The following ADAMTS16 variants were observed in gnomAD, a reference collection of about 807,000 sequenced individuals.
ADAMTS16 encodes the protein A disintegrin and metalloproteinase with thrombospondin motifs 16.
A neutral mutation model predicts 145.8 loss-of-function variants in ADAMTS16; 94 were observed. The ratio of observed to expected loss-of-function variants is 0.64; its 90% CI spans 0.55 to 0.77. The LOEUF (loss-of-function observed/expected upper bound fraction) is 0.77, where lower values mean the gene tolerates loss of function less well. ADAMTS16 is among the 30% of genes least tolerant of loss of function. ADAMTS16 has a pLI of 0.00. For missense variants in ADAMTS16, 1,585 were observed against 1,591.5 expected (o/e 1.00, Z 0.07); for synonymous variants, 659 against 604.3 (o/e 1.09, Z -1.33).
At chr5:5,191,236 A>G (rs928716321) in intron 7 of ADAMTS16, among the ~76,000 whole-genome samples, 1 of 152,164 alleles carries the variant, frequency 6.6e-6, no homozygotes, top group Non-Finnish European at 1.5e-5. Flanking sequence ...AATGCTCGTT[A>G]TGACAGATGT....
intron 18 of ADAMTS16, among the ~76,000 whole-genome samples, chr5:5,276,901 T>C (rs1738723944): frequency 6.6e-6 from 1 of 152,034 alleles, no homozygotes. Context: ...TCATTAACCC[T>C]GTGTTTATTA....
rs59154430 is a variant in ADAMTS16 at position 5,320,086 on chromosome 5, C to CT, written c.*958dup. The CT allele has an allele frequency of 0.84, 228,197 of 270,246 alleles. 93,362 individuals are homozygous for CT. Among genetic ancestry groups the CT allele is most frequent in the African/African-American group, 0.95 (39,387 of 41,678 alleles). 16.7% of individuals were successfully genotyped at this position (270,246 alleles called of 1,614,324 possible). ...TTTTTGTGTGTTGTGAGATTTTAATCTTTTTTTTTTCGGTGAGTCTGGCCA... is the reference window on the plus strand; with the variant it reads ...TTTTTGTGTGTTGTGAGATTTTAATCTTTTTTTTTTTCGGTGAGTCTGGCCA... On this transcript the variant is annotated 3_prime_UTR_variant, in exon 23 of 23. Coordinates refer to ENST00000274181, the MANE Select transcript of ADAMTS16 (RefSeq NM_139056.4). The surrounding 1 kb of genome is among the most constrained non-coding windows in gnomAD (Gnocchi z 5.1).
At chr5:5,186,319 T>C in intron 5 of ADAMTS16, 68 bp downstream of exon 5, 6 of 1,349,320 alleles carry the variant, frequency 4.4e-6, no homozygotes, top group Non-Finnish European at 5.2e-6. Flanking sequence ...TGTGTGTGTG[T>C]GTGTGTGTGT....
chr5:5,244,930 A>T (rs2964427), intron 17 of ADAMTS16, among the ~76,000 whole-genome samples: 19,952 of 152,120 alleles, frequency 0.13, 1,449 homozygotes, highest in South Asian at 0.18. Context: ...TGTTTGGAGG[A>T]CTTGTCAAAT....
intron 17 of ADAMTS16, among the ~76,000 whole-genome samples, chr5:5,259,931 C>T (rs1737946640): frequency 6.6e-6 from 1 of 152,172 alleles, no homozygotes; most frequent in Non-Finnish European, 1.5e-5. Flanking sequence ...CTCCCTCCCC[C>T]GACCTCCACT....
chr5:5,215,142 CT>C (rs1460215692), intron 10 of ADAMTS16, among the ~76,000 whole-genome samples: 1 of 151,938 alleles, frequency 6.6e-6, no homozygotes, highest in East Asian at 1.9e-4. Flanking sequence ...CATATGCATC[CT>C]TTTTTTGTAT....
chr5:5,262,690 A>T lies in ADAMTS16; in HGVS notation c.2696A>T (p.Asp899Val). The part of the protein sequence containing the change: ...QMTVREGCYR[D>V]LKFQVNMSFC... ...ACCGTGAGAGAGGGCTGCTACAGAGACCTGAAGTTTCAAGTAAATATGTCC... is the reference window on the plus strand; with the variant it reads ...ACCGTGAGAGAGGGCTGCTACAGAGTCCTGAAGTTTCAAGTAAATATGTCC... Residue 899 changes from aspartate to valine, a missense_variant, in exon 18 of 23, where the codon GAC (aspartate) becomes GTC (valine). Asp to Val is a radical substitution (Grantham distance 152). This residue lies in a region of ADAMTS16 where 834 missense variants were observed against 811.7 expected (regional missense o/e 1.03). Transcript: ENST00000274181. 1 of 1,614,208 alleles carries T rather than the reference A, an allele frequency of 6.2e-7. No homozygotes were observed. Among genetic ancestry groups the T allele is most frequent in the Non-Finnish European group, 8.5e-7 (1 of 1,180,040 alleles).
chr5:5,279,746 T>C (rs921572849), intron 18 of ADAMTS16, among the ~76,000 whole-genome samples: 3 of 151,610 alleles, frequency 2.0e-5, no homozygotes, highest in Non-Finnish European at 4.4e-5. Context: ...GCTTGTTTTA[T>C]ACCTGATTAC....
intron 3 of ADAMTS16, among the ~76,000 whole-genome samples, chr5:5,156,580 G>A (rs1734610268): frequency 1.3e-5 from 2 of 152,156 alleles, no homozygotes; most frequent in Non-Finnish European, 2.9e-5. Context: ...CAATGTGTCC[G>A]GACATTCCTC....
At chr5:5,178,315 C>G (rs1735250982) in intron 3 of ADAMTS16, among the ~76,000 whole-genome samples, 1 of 152,178 alleles carries the variant, frequency 6.6e-6, no homozygotes, top group South Asian at 2.1e-4. Flanking sequence ...AGGACTTGGC[C>G]TTTTCTGAGG....
At chr5:5,164,966 G>A (rs929791749) in intron 3 of ADAMTS16, among the ~76,000 whole-genome samples, 1 of 152,076 alleles carries the variant, frequency 6.6e-6, no homozygotes, top group East Asian at 1.9e-4. Context: ...CTTTATTGAG[G>A]TATGATTTAC....
chr5:5,242,287 CG>C, intron 17 of ADAMTS16, 96 bp downstream of exon 17: 1 of 1,467,952 alleles, frequency 6.8e-7, no homozygotes, highest in Non-Finnish European at 9.1e-7. Context: ...ATGAGCAGCC[CG>C]GGGCTTCTCC....
chr5:5,237,912 A>G (rs1021026838), intron 14 of ADAMTS16, among the ~76,000 whole-genome samples: 1 of 152,250 alleles, frequency 6.6e-6, no homozygotes, highest in East Asian at 1.9e-4. Context: ...TGAAGGTGTT[A>G]GCAGATCAAA....
rs531785011 is a variant in ADAMTS16, at chr5:5,269,452, C to T, written c.2789+6669C>T. 6.6e-6 allele frequency among the ~76,000 whole-genome samples: 1 copy of T among 152,148 alleles called. No individual in the cohort carries two copies. Among genetic ancestry groups the T allele is most frequent in the South Asian group, 2.1e-4 (1 of 4,830 alleles). On this transcript the variant is annotated intron_variant, in intron 18 of 22. Transcript: ENST00000274181. The surrounding 1 kb of genome is among the most constrained non-coding windows in gnomAD (Gnocchi z 4.3). The stretch of plus-strand genomic sequence containing the variant: ...CCCCTGGGTCATTTGCTCCCCACCT[C>T]CCAGGACATTGAGTTCACATCACCT...
intron 20 of ADAMTS16, 42 bp from the exon 21 acceptor site, chr5:5,306,462 A>G (rs978933245): frequency 6.4e-7 from 1 of 1,571,050 alleles, no homozygotes; most frequent in Non-Finnish European, 8.7e-7. Context: ...TTGCAAAAAA[A>G]GAGATTTTTT....
At chr5:5,235,259 G>C in intron 13 of ADAMTS16, 73 bp downstream of exon 13, 2 of 1,376,810 alleles carry the variant, frequency 1.5e-6, no homozygotes, top group Non-Finnish European at 1.9e-6. Context: ...GTACATGATT[G>C]AGAGTGTGGT....
chr5:5,241,962 A>T (rs1022951247), intron 16 of ADAMTS16, 91 bp from the exon 17 acceptor site: 2 of 1,412,944 alleles, frequency 1.4e-6, no homozygotes, highest in African/African-American at 1.4e-5. Flanking sequence ...TTGTTGATTG[A>T]TTATTGTTTT....
chr5:5,187,237 C>T (rs545786818), intron 5 of ADAMTS16, among the ~76,000 whole-genome samples: 2 of 152,302 alleles, frequency 1.3e-5, no homozygotes, highest in South Asian at 4.1e-4. Flanking sequence ...CCCCAAATGC[C>T]ACTGTGATCA....
At chr5:5,255,834 T>G (rs1167320653) in intron 17 of ADAMTS16, among the ~76,000 whole-genome samples, 1 of 152,230 alleles carries the variant, frequency 6.6e-6, no homozygotes, top group Non-Finnish European at 1.5e-5. Flanking sequence ...GATCCCTCTT[T>G]CTGCTTTCTT....
Sources: gnomAD v4.1 joint callset for allele counts (sites outside exome capture counted in the v4.1 genomes callset) on GRCh38, gnomAD v4.1.1 for gene constraint, gnomAD v4.1.1 regional missense constraint, Gnocchi (gnomAD v3.1) non-coding constraint, MANE v1.5 for transcripts, NCBI Gene and HGNC (gene_info 2026-07-23, HGNC 2026-07-21) for gene names.